The following PTPRD variants were observed in gnomAD, a reference collection of about 807,000 sequenced individuals.
PTPRD encodes receptor-type tyrosine-protein phosphatase delta.
Under a neutral mutation model 214.5 loss-of-function variants are expected in PTPRD, and 34 were observed. That is an observed-to-expected ratio of 0.16 (90% CI 0.12 to 0.21). PTPRD has a LOEUF of 0.21. PTPRD is among the 10% of genes least tolerant of loss of function. The probability of loss-of-function intolerance (pLI) is 1.00; values close to 1 mark genes in which losing one functional copy is unlikely to be tolerated. For synonymous variants in PTPRD, 1,128 were observed against 845.7 expected (o/e 1.33, Z -5.79); for missense variants, 2,545 against 2,398.7 (o/e 1.06, Z -1.27).
rs114730092 is a variant in PTPRD at position 10,557,630 on chromosome 9, G to A, written c.-600+54768C>T. Among the ~76,000 whole-genome samples, 1,084 of 152,058 alleles carry A rather than the reference G, an allele frequency of 7.1e-3. 9 individuals are homozygous for A. The highest frequency in any genetic ancestry group is 0.025 in the African/African-American group (1,050 of 41,502). On this transcript the variant is annotated intron_variant, in intron 2 of 45. Transcript: ENST00000381196. ...ACTTTGAGTATATTTCTGTGTTCCT[G>A]GTTCAAATTTTCAAAAGAGAAATCT...
intron 11 of PTPRD, among the ~76,000 whole-genome samples, chr9:9,002,209 A>G (rs2099425732): frequency 2.0e-5 from 3 of 152,014 alleles, no homozygotes. Flanking sequence ...GTAAAGAGAG[A>G]AACAAAATAT....
chr9:9,746,331 A>G (rs1194739699), intron 6 of PTPRD, among the ~76,000 whole-genome samples: 1 of 152,158 alleles, frequency 6.6e-6, no homozygotes, highest in African/African-American at 2.4e-5. Context: ...CTTGTGCCCA[A>G]TAAATATAAC....
intron 10 of PTPRD, among the ~76,000 whole-genome samples, chr9:9,088,547 T>C (rs2099770820): frequency 8.6e-6 from 1 of 116,748 alleles, no homozygotes. Context: ...GCCACTGCAC[T>C]CCAGCCTGGG....
At chr9:8,565,109 A>C (rs2088408616) in intron 14 of PTPRD, among the ~76,000 whole-genome samples, 1 of 151,946 alleles carries the variant, frequency 6.6e-6, no homozygotes, top group Non-Finnish European at 1.5e-5. Flanking sequence ...ACATGTGGCC[A>C]TGTAATCTGC....
chr9:10,471,777 T>C (rs957138266), intron 2 of PTPRD, among the ~76,000 whole-genome samples: 18 of 152,102 alleles, frequency 1.2e-4, no homozygotes, highest in Admixed American at 9.2e-4. Flanking sequence ...ATATTTTAAG[T>C]TGAAGAGATG....
intron 8 of PTPRD, among the ~76,000 whole-genome samples, chr9:9,495,050 G>A (rs541799357): frequency 6.6e-6 from 1 of 152,120 alleles, no homozygotes; most frequent in Admixed American, 6.5e-5. Context: ...AGCACCAAGA[G>A]CATTCAATGG....
At chr9:9,622,814 G>C (rs993006984) in intron 7 of PTPRD, among the ~76,000 whole-genome samples, 1 of 152,080 alleles carries the variant, frequency 6.6e-6, no homozygotes, top group Non-Finnish European at 1.5e-5. Context: ...TCACAACAGG[G>C]GTCTTTATTA....
In PTPRD at chr9:9,981,356, T is replaced by TC. The variant is rs759757422; in HGVS notation, c.-471-42747_-471-42746insG. Among the ~76,000 whole-genome samples, 157 of 133,136 alleles carry TC rather than the reference T, an allele frequency of 1.2e-3. 1 individual carries two copies. Among genetic ancestry groups the TC allele is most frequent in the African/African-American group, 3.8e-3 (135 of 35,354 alleles). The allele number at this position is 133,136 out of a possible 152,430, so 87.3% of individuals were successfully genotyped here. A position where few individuals can be genotyped will look rare whatever the true frequency, so the allele number is the denominator to read the frequency against. ...AAAACATATACTCACATTAAACAATTTTTTTTTTTTTTTTTTAAGACAGAG... is the reference window on the plus strand; with the variant it reads ...AAAACATATACTCACATTAAACAATTCTTTTTTTTTTTTTTTTAAGACAGAG... On this transcript the variant is annotated intron_variant, in intron 4 of 45. Transcript: ENST00000381196.
At chr9:9,041,471 T>C (rs987502868) in intron 10 of PTPRD, among the ~76,000 whole-genome samples, 4 of 152,154 alleles carry the variant, frequency 2.6e-5, no homozygotes, top group African/African-American at 7.2e-5. Context: ...CGGTATTTGA[T>C]TTTCTGTTCC....
intron 11 of PTPRD, among the ~76,000 whole-genome samples, chr9:8,823,252 C>T (rs962371723): frequency 6.6e-5 from 10 of 152,036 alleles, no homozygotes; most frequent in African/African-American, 2.4e-4. Context: ...CCACTGAACC[C>T]CTTCTTAAAA....
intron 11 of PTPRD, among the ~76,000 whole-genome samples, chr9:8,928,986 T>A (rs1399810469): frequency 2.0e-5 from 3 of 152,180 alleles, no homozygotes; most frequent in African/African-American, 7.2e-5. Flanking sequence ...GATTTGACTC[T>A]CTGTCTATTA....
At chr9:10,044,138 A>G (rs2097347352) in intron 3 of PTPRD, among the ~76,000 whole-genome samples, 1 of 151,526 alleles carries the variant, frequency 6.6e-6, no homozygotes, top group South Asian at 2.1e-4. Flanking sequence ...GAAGACATCT[A>G]TAATTCACTG....
At chr9:10,206,032 TAAA>T (rs77620088) in intron 3 of PTPRD, among the ~76,000 whole-genome samples, 1 of 129,874 alleles carries the variant, frequency 7.7e-6, no homozygotes, top group Non-Finnish European at 1.6e-5. Flanking sequence ...TAGCTTTATG[TAAA>T]AAAAAAAAAA....
intron 3 of PTPRD, among the ~76,000 whole-genome samples, chr9:10,190,134 A>AG (rs996685813): frequency 6.6e-6 from 1 of 151,858 alleles, no homozygotes; most frequent in African/African-American, 2.4e-5. Context: ...TGGGAGGCTG[A>AG]GGGGGGTGGA....
In PTPRD at chr9:9,198,888, G is replaced by C. The variant is rs183082346; in HGVS notation, c.-202-15525C>G. The stretch of plus-strand genomic sequence containing the variant: ...TGGCTCCTACATGCATCCCATTATG[G>C]AAGGTCTGCTTTTGATTCTAAGGTC... On this transcript the variant is annotated intron_variant, in intron 9 of 45. Coordinates refer to ENST00000381196, the MANE Select transcript of PTPRD (RefSeq NM_002839.4). 9.5e-3 allele frequency among the ~76,000 whole-genome samples: 1,448 copies of C among 152,268 alleles called. 14 individuals carry two copies. Among genetic ancestry groups the C allele is most frequent in the Non-Finnish European group, 0.013 (876 of 68,028 alleles).
At chr9:9,639,818 G>A (rs976865378) in intron 7 of PTPRD, among the ~76,000 whole-genome samples, 1 of 151,918 alleles carries the variant, frequency 6.6e-6, no homozygotes, top group African/African-American at 2.4e-5. Context: ...CTTTGCTTAG[G>A]TTTGTATTAA....
rs1321475985 is a variant in PTPRD, at chr9:8,980,134, A to G, written c.-104+38563T>C. 2.6e-5 allele frequency among the ~76,000 whole-genome samples: 4 copies of G among 152,094 alleles called. No homozygotes were observed. In the East Asian group the frequency reaches 7.7e-4, roughly 29 times the overall value. ...TAAGTGAAATAAGCCAGACACATAA[A>G]TAAAAATATTGCATGATCTCACATA... On this transcript the variant is annotated intron_variant, in intron 11 of 45. Coordinates refer to ENST00000381196, the MANE Select transcript of PTPRD (RefSeq NM_002839.4).
chr9:10,548,958 G>C (rs576931878), intron 2 of PTPRD, among the ~76,000 whole-genome samples: 2 of 152,216 alleles, frequency 1.3e-5, no homozygotes, highest in Non-Finnish European at 1.5e-5. Context: ...AGGAAAATAA[G>C]AGAAAAAAAT....
At chr9:9,922,120 C>T (rs1239177724) in intron 5 of PTPRD, among the ~76,000 whole-genome samples, 1 of 152,078 alleles carries the variant, frequency 6.6e-6, no homozygotes, top group Non-Finnish European at 1.5e-5. Flanking sequence ...GCAAATCACT[C>T]AGAGAAGCTG....
Sources: allele counts gnomAD v4.1 joint callset (sites outside exome capture counted in the v4.1 genomes callset), GRCh38; gene constraint gnomAD v4.1.1; transcripts MANE v1.5; gene names NCBI Gene and HGNC (gene_info 2026-07-23, HGNC 2026-07-21).